Variants in TRA2A observed in about 807,000 individuals in gnomAD.
The protein encoded by TRA2A is transformer-2 protein homolog alpha.
A neutral mutation model predicts 45.7 loss-of-function variants in TRA2A; 31 were observed. The ratio of observed to expected loss-of-function variants is 0.68; its 90% CI spans 0.51 to 0.92. The LOEUF (loss-of-function observed/expected upper bound fraction) is 0.92. Ranked by LOEUF, TRA2A falls within the 40% of genes least tolerant of loss-of-function variation. The pLI, the probability that TRA2A is intolerant of heterozygous loss-of-function variation, is 0.00. For missense variants in TRA2A, 304 were observed against 367.5 expected, an observed-to-expected ratio of 0.83 and a Z score of 1.41; for synonymous variants, 132 against 126.2, an observed-to-expected ratio of 1.05 and a Z score of -0.31.
chr7:23,530,683 G>T (rs1207590741), intron 1 of TRA2A, among the ~76,000 whole-genome samples: 2 of 152,126 alleles, frequency 1.3e-5, no homozygotes, highest in Non-Finnish European at 2.9e-5. Context: ...TTAAGCTGGG[G>T]ATATCGTATT....
intron 1 of TRA2A, chr7:23,522,097 C>T: frequency 7.6e-7 from 1 of 1,316,270 alleles, no homozygotes; most frequent in African/African-American, 1.5e-5. Flanking sequence ...CTTGATCATA[C>T]AGACACTGGA....
In TRA2A at chr7:23,505,490, ATCTCAGAATT is replaced by A; in HGVS notation, c.*59_*68del. 1 of 572,798 alleles carries A rather than the reference ATCTCAGAATT, an allele frequency of 1.7e-6. No individual in the cohort carries two copies. The allele number at this position is 572,798 out of a possible 1,614,324, so 35.5% of individuals were successfully genotyped here. A position where few individuals can be genotyped will look rare whatever the true frequency, so the allele number is the denominator to read the frequency against. Reference sequence around the variant, plus strand: ...TAGGAAGAATCCACAGCTTGGGGAAATCTCAGAATTAAAAAAAAAAAAAAAAAAAAGAGGA... The same window carrying A: ...TAGGAAGAATCCACAGCTTGGGGAAAAAAAAAAAAAAAAAAAAAAAGAGGA... On this transcript the variant is annotated 3_prime_UTR_variant, in exon 8 of 8. Transcript: ENST00000297071.
At chr7:23,520,908 G>A (rs572225770) in intron 2 of TRA2A, among the ~76,000 whole-genome samples, 1 of 152,108 alleles carries the variant, frequency 6.6e-6, no homozygotes, top group African/African-American at 2.4e-5. Flanking sequence ...GCCCAGGCTG[G>A]TCTAAAACTC....
In TRA2A at chr7:23,505,368, T is replaced by C; in HGVS notation, c.*191A>G. 4.6e-6 allele frequency: 2 copies of C among 435,836 alleles called. No homozygotes were observed. The highest frequency in any genetic ancestry group is 8.2e-6 in the Non-Finnish European group (2 of 245,376). 27.0% of individuals were successfully genotyped at this position (435,836 alleles called of 1,614,324 possible). The stretch of plus-strand genomic sequence containing the variant: ...GTTTAACTGTTCAAAATGACAACAA[T>C]TACATCTTTTAAGAGTATAATAAAA... On this transcript the variant is annotated 3_prime_UTR_variant, in exon 8 of 8. Coordinates refer to ENST00000297071, the MANE Select transcript of TRA2A (RefSeq NM_013293.5).
intron 4 of TRA2A, among the ~76,000 whole-genome samples, chr7:23,512,628 G>T (rs1447546434): frequency 6.6e-6 from 1 of 151,950 alleles, no homozygotes; most frequent in East Asian, 1.9e-4. Context: ...CTGGCTAATT[G>T]TTTGTATTTT....
chr7:23,526,208 C>T (rs752776528), intron 1 of TRA2A, among the ~76,000 whole-genome samples: 14 of 152,060 alleles, frequency 9.2e-5, no homozygotes, highest in Admixed American at 2.0e-4. Flanking sequence ...CTGTGTCATA[C>T]TATAAAAAGA....
chr7:23,525,322 TTG>T (rs1790297351), intron 1 of TRA2A, among the ~76,000 whole-genome samples: 1 of 152,178 alleles, frequency 6.6e-6, no homozygotes, highest in Non-Finnish European at 1.5e-5. Context: ...ACAAAAAAGA[TTG>T]CTGGGAATGG....
chr7:23,511,391 AAAAAAAAAAAAAAAAAAAAGAAAAG>A (rs1184693241), intron 4 of TRA2A, among the ~76,000 whole-genome samples: 62 of 43,584 alleles, frequency 1.4e-3, no homozygotes, highest in Middle Eastern at 0.011. Context: ...AAAAAAAAAA[AAAAAAAAAAAAAAAAAAAAGAAAAG>A]AAAAGAAAAG....
chr7:23,530,082 C>T (rs896959020), intron 1 of TRA2A, among the ~76,000 whole-genome samples: 7 of 152,094 alleles, frequency 4.6e-5, no homozygotes, highest in Admixed American at 1.3e-4. Context: ...AATTTTTTAA[C>T]AATGAAAGTT....
intron 2 of TRA2A, among the ~76,000 whole-genome samples, chr7:23,520,003 G>A (rs781548414): frequency 2.8e-4 from 43 of 152,194 alleles, no homozygotes; most frequent in African/African-American, 9.2e-4. Flanking sequence ...CGAGGTGGGC[G>A]GATCACCTGA....
At chr7:23,529,418 G>A (rs1790475042) in intron 1 of TRA2A, among the ~76,000 whole-genome samples, 2 of 152,130 alleles carry the variant, frequency 1.3e-5, no homozygotes, top group African/African-American at 2.4e-5. Context: ...ACGCCACCAC[G>A]CCCGGCTAAT....
chr7:23,517,848 G>C lies in TRA2A; in HGVS notation c.171-1320C>G, dbSNP rs185903943. 5.6e-3 allele frequency among the ~76,000 whole-genome samples: 852 copies of C among 151,616 alleles called. 3 individuals are homozygous for C. The highest frequency in any genetic ancestry group is 0.02 in the African/African-American group (825 of 41,386). ...AATCACTTGAACCCGGGAGGTGGAG[G>C]CTGCAGTGAGCTGAGATCGTGCCAC... On this transcript the variant is annotated intron_variant, in intron 2 of 7. Coordinates refer to ENST00000297071, the MANE Select transcript of TRA2A (RefSeq NM_013293.5).
intron 1 of TRA2A, among the ~76,000 whole-genome samples, chr7:23,523,182 T>C (rs1382773961): frequency 6.6e-6 from 1 of 152,224 alleles, no homozygotes; most frequent in Non-Finnish European, 1.5e-5. Flanking sequence ...GTCTTTATCT[T>C]TGATTCCATC....
At chr7:23,520,741 A>G (rs1385358269) in intron 2 of TRA2A, among the ~76,000 whole-genome samples, 1 of 136,762 alleles carries the variant, frequency 7.3e-6, no homozygotes, top group African/African-American at 2.8e-5. Context: ...CCCAGGGTGG[A>G]GTGCACTGGC....
chr7:23,508,491 T>C (rs1789444105), intron 4 of TRA2A, among the ~76,000 whole-genome samples: 1 of 152,044 alleles, frequency 6.6e-6, no homozygotes, highest in Non-Finnish European at 1.5e-5. Context: ...TTCAATGGAA[T>C]GCATTTTATT....
rs1318158671 is a variant in TRA2A at position 23,506,261 on chromosome 7, C to G, written c.647G>C (p.Gly216Ala). ...GCCGCCGCCTCCTCCACCACCCCCA[C>G]CACTACTGCAGAAAAATGTAAAAAT... ...GIYMGRPTHSGGGGGGGGGGG... is the reference protein window; with the variant it reads ...GIYMGRPTHSAGGGGGGGGGG... Residue 216 changes from glycine (G) to alanine (A), a missense_variant, in exon 6 of 8, where the codon GGT becomes GCT. Around this residue, in one of 3 missense-constraint regions of TRA2A, gnomAD observed 130 missense variants for 217.1 expected, o/e 0.60. Coordinates refer to ENST00000297071, the MANE Select transcript of TRA2A (RefSeq NM_013293.5). 1.1e-5 allele frequency: 17 copies of G among 1,604,192 alleles called. No homozygotes were observed. Among genetic ancestry groups the G allele is most frequent in the Admixed American group, 1.7e-5 (1 of 57,904 alleles).
intron 1 of TRA2A, 155 bp downstream of exon 1, chr7:23,531,634 C>A: frequency 5.3e-6 from 4 of 755,616 alleles, no homozygotes; most frequent in Admixed American, 2.6e-5. Flanking sequence ...AGGAGTGGAA[C>A]CCAGAAGCCA....
At chr7:23,515,298 C>T (rs1206751321) in intron 3 of TRA2A, among the ~76,000 whole-genome samples, 7 of 142,598 alleles carry the variant, frequency 4.9e-5, no homozygotes, top group Non-Finnish European at 7.5e-5. Context: ...GGCGCCATCT[C>T]GGCTCACTGC....
chr7:23,506,670 A>T (rs1789352614), intron 5 of TRA2A, among the ~76,000 whole-genome samples: 2 of 152,252 alleles, frequency 1.3e-5, no homozygotes, highest in African/African-American at 4.8e-5. Flanking sequence ...AATAAACACC[A>T]AGAATTTTTA....
Sources: gnomAD v4.1 joint callset for allele counts (sites outside exome capture counted in the v4.1 genomes callset) on GRCh38, gnomAD v4.1.1 for gene constraint, gnomAD v4.1.1 regional missense constraint, MANE v1.5 for transcripts, NCBI Gene and HGNC (gene_info 2026-07-23, HGNC 2026-07-21) for gene names.